Variants in ANTXR2 observed in about 807,000 individuals in gnomAD.
ANTXR2 encodes ANTXR cell adhesion molecule 2, also known as anthrax toxin receptor 2.
A neutral mutation model predicts 73.7 loss-of-function variants in ANTXR2; 44 were observed. The ratio of observed to expected loss-of-function variants is 0.60; its 90% CI spans 0.47 to 0.77. The LOEUF (loss-of-function observed/expected upper bound fraction) is 0.77. Ranked by LOEUF, ANTXR2 falls within the 30% of genes least tolerant of loss-of-function variation. ANTXR2 has a pLI of 0.00. For synonymous variants in ANTXR2, 217 were observed against 205.9 expected (o/e 1.05, Z -0.46); for missense variants, 604 against 592.5 (o/e 1.02, Z -0.20).
At chr4:79,919,243 G>T (rs1314923771) in intron 16 of ANTXR2, among the ~76,000 whole-genome samples, 1 of 152,144 alleles carries the variant, frequency 6.6e-6, no homozygotes, top group Non-Finnish European at 1.5e-5. Flanking sequence ...GCAGTATTTT[G>T]CCTGTATAGC....
chr4:80,053,091 T>A (rs1410322894), intron 7 of ANTXR2, among the ~76,000 whole-genome samples: 2 of 151,640 alleles, frequency 1.3e-5, no homozygotes, highest in Admixed American at 1.3e-4. Context: ...TACAATCCAC[T>A]GATTTGTTTA....
At chr4:80,055,852 T>C in intron 4 of ANTXR2, 80 bp downstream of exon 4, 1 of 1,056,048 alleles carries the variant, frequency 9.5e-7, no homozygotes, top group Non-Finnish European at 1.4e-6. Flanking sequence ...ATGAGGTTAC[T>C]GAGCTTTGCT....
chr4:79,918,552 A>G (rs775078541), intron 16 of ANTXR2, among the ~76,000 whole-genome samples: 2 of 152,112 alleles, frequency 1.3e-5, no homozygotes, highest in Non-Finnish European at 2.9e-5. Context: ...GCTATGGAAC[A>G]CTCTAAAATA....
chr4:79,918,191 T>A (rs1727429563), intron 16 of ANTXR2, among the ~76,000 whole-genome samples: 1 of 151,980 alleles, frequency 6.6e-6, no homozygotes, highest in African/African-American at 2.4e-5. Context: ...AGAAAATAAC[T>A]AAGGAGAATC....
intron 3 of ANTXR2, among the ~76,000 whole-genome samples, chr4:80,066,704 G>GT (rs1382070880): frequency 7.8e-6 from 1 of 127,500 alleles, no homozygotes; most frequent in Non-Finnish European, 1.7e-5. Context: ...TTTCATTCAT[G>GT]TAACAATTTT....
intron 10 of ANTXR2, chr4:80,024,734 C>T (rs886065828): frequency 2.2e-6 from 1 of 447,100 alleles, no homozygotes; most frequent in Non-Finnish European, 4.5e-6. Context: ...TCACTCCAGC[C>T]TGGGTGACAG....
At chr4:79,999,852 G>A (rs1216222352) in intron 12 of ANTXR2, among the ~76,000 whole-genome samples, 2 of 151,888 alleles carry the variant, frequency 1.3e-5, no homozygotes, top group Non-Finnish European at 2.9e-5. Flanking sequence ...AAGCCGAGGA[G>A]TTCTAGGCTG....
chr4:79,966,436 A>G (rs1180934240), intron 16 of ANTXR2, among the ~76,000 whole-genome samples: 3 of 152,198 alleles, frequency 2.0e-5, no homozygotes, highest in African/African-American at 4.8e-5. Context: ...GTGCATAGAT[A>G]AAGCATTACC....
In ANTXR2 at chr4:79,904,682, C is replaced by T. The variant is rs1726836278; in HGVS notation, c.*2747G>A. 4 of 151,968 alleles carry T rather than the reference C, an allele frequency of 2.6e-5. No homozygotes were observed. Among genetic ancestry groups the T allele is most frequent in the Admixed American group, 2.6e-4 (4 of 15,248 alleles). 9.4% of individuals were successfully genotyped at this position (151,968 alleles called of 1,614,324 possible). Reference sequence around the variant, plus strand: ...AGACACATAAGTTAGGAGTCATTTCCCACTTAATTGTTTTTGCAACCTTAT... The same window carrying T: ...AGACACATAAGTTAGGAGTCATTTCTCACTTAATTGTTTTTGCAACCTTAT... On this transcript the variant is annotated 3_prime_UTR_variant, in exon 17 of 17. Transcript: ENST00000403729.
intron 3 of ANTXR2, among the ~76,000 whole-genome samples, chr4:80,063,894 A>G (rs1454693187): frequency 6.6e-6 from 1 of 152,084 alleles, no homozygotes; most frequent in Non-Finnish European, 1.5e-5. Flanking sequence ...ATTTAGACCT[A>G]CCTTTCCATG....
intron 11 of ANTXR2, among the ~76,000 whole-genome samples, chr4:80,015,903 AAGG>A (rs377206389): frequency 5.6e-4 from 47 of 84,670 alleles, no homozygotes; most frequent in East Asian, 3.4e-3. Flanking sequence ...AAGGAAAGGA[AAGG>A]AAAGGAAAGG....
At chr4:80,013,893 T>C (rs1156648484) in intron 11 of ANTXR2, among the ~76,000 whole-genome samples, 1 of 152,186 alleles carries the variant, frequency 6.6e-6, no homozygotes, top group African/African-American at 2.4e-5. Flanking sequence ...AAAAATTGAA[T>C]TGTAGTATTT....
chr4:79,994,137 G>A (rs948494313), intron 12 of ANTXR2, among the ~76,000 whole-genome samples: 2 of 151,776 alleles, frequency 1.3e-5, no homozygotes, highest in Non-Finnish European at 2.9e-5. Context: ...AATTACCATA[G>A]CCTTTTTTGC....
chr4:79,912,023 A>C (rs1437960709), intron 16 of ANTXR2, among the ~76,000 whole-genome samples: 5 of 151,976 alleles, frequency 3.3e-5, no homozygotes, highest in African/African-American at 1.2e-4. Context: ...TGTCTGCATT[A>C]GTTCAAAATG....
At chr4:79,934,542 C>CAAAA (rs755634385) in intron 16 of ANTXR2, among the ~76,000 whole-genome samples, 3 of 138,258 alleles carry the variant, frequency 2.2e-5, no homozygotes, top group South Asian at 2.2e-4. Flanking sequence ...ACAACAACAA[C>CAAAA]AAAAAAAAAA....
At chr4:80,057,380 T>C (rs143714290) in intron 3 of ANTXR2, among the ~76,000 whole-genome samples, 37 of 152,086 alleles carry the variant, frequency 2.4e-4, no homozygotes, top group Admixed American at 2.4e-3. Flanking sequence ...TTTCAAATAA[T>C]TGAAATAAAT....
intron 7 of ANTXR2, among the ~76,000 whole-genome samples, chr4:80,051,718 T>C (rs1733780507): frequency 2.0e-5 from 3 of 151,742 alleles, no homozygotes; most frequent in South Asian, 4.1e-4. Context: ...AGGATGTTCA[T>C]AACAAAGGCC....
intron 3 of ANTXR2, among the ~76,000 whole-genome samples, chr4:80,057,303 T>C (rs1450066473): frequency 1.3e-5 from 2 of 151,986 alleles, no homozygotes; most frequent in Non-Finnish European, 2.9e-5. Flanking sequence ...TATACGTTTA[T>C]ATCACATGCG....
chr4:80,069,306 T>G (rs1461044211), intron 3 of ANTXR2, 130 bp downstream of exon 3: 3 of 732,634 alleles, frequency 4.1e-6, no homozygotes, highest in Non-Finnish European at 7.1e-6. Flanking sequence ...TTCCCTTCTA[T>G]TAGAGAACTG....
Sources: gnomAD v4.1 joint callset for allele counts (sites outside exome capture counted in the v4.1 genomes callset) on GRCh38, gnomAD v4.1.1 for gene constraint, MANE v1.5 for transcripts, NCBI Gene and HGNC (gene_info 2026-07-23, HGNC 2026-07-21) for gene names.